The following LRRC14B variants were observed in gnomAD, a reference collection of about 807,000 sequenced individuals.
The protein encoded by LRRC14B is leucine rich repeat containing 14B, also known as leucine-rich repeat-containing protein 14B.
Under a neutral mutation model 16.9 loss-of-function variants are expected in LRRC14B, and 23 were observed. The observed-to-expected ratio is 1.36, with a 90% confidence interval of 0.98 to 1.92. The LOEUF (loss-of-function observed/expected upper bound fraction) is 1.92, where lower values mean the gene tolerates loss of function less well. Ranked by LOEUF, LRRC14B falls within the 30% of genes most tolerant of loss-of-function variation. LRRC14B has a pLI of 0.00. For missense variants in LRRC14B, 766 were observed against 705.7 expected, an observed-to-expected ratio of 1.09 and a Z score of -0.97; for synonymous variants, 358 against 332.5, an observed-to-expected ratio of 1.08 and a Z score of -0.83.
Position 195,750 on chromosome 5 carries a change from C to A in LRRC14B, c.*397C>A, listed in dbSNP as rs1331493095. ...GGGCAGATGTGACTGGGCTCCACAG[C>A]AGGGAGGGGGAGGGGAAGAGAGAAC... On this transcript the variant is annotated 3_prime_UTR_variant, in exon 2 of 2. Transcript: ENST00000328278. The A allele has an allele frequency of 9.1e-6, 2 of 220,648 alleles. No homozygotes were observed. Among genetic ancestry groups the A allele is most frequent in the Non-Finnish European group, 1.8e-5 (2 of 110,922 alleles). 13.7% of individuals were successfully genotyped at this position (220,648 alleles called of 1,614,324 possible).
chr5:194,693 C>T lies in LRRC14B; in HGVS notation c.900-15C>T. On this transcript the variant is annotated splice_polypyrimidine_tract_variant and intron_variant, in intron 1 of 1. Coordinates refer to ENST00000328278, the MANE Select transcript of LRRC14B (RefSeq NM_001080478.3). ...ACCCTCCTCTCACCTGTGCTCTTTC[C>T]CCCGTGTCCTGCAGCCCCCTACAGA... is the stretch of plus-strand genomic sequence containing the variant. 7.6e-6 allele frequency: 12 copies of T among 1,581,414 alleles called. No homozygotes were observed. The highest frequency in any genetic ancestry group is 1.0e-5 in the Non-Finnish European group (12 of 1,162,892).
rs752786875 is a variant in LRRC14B at position 195,069 on chromosome 5, A to G, written c.1261A>G (p.Ile421Val). 2 of 1,613,756 alleles carry G rather than the reference A, an allele frequency of 1.2e-6. No homozygotes were observed. The highest frequency in any genetic ancestry group is 1.7e-6 in the Non-Finnish European group (2 of 1,179,882). Residue 421 changes from isoleucine to valine, a missense_variant, in exon 2 of 2, where the codon ATT becomes GTT. By Grantham distance (29) the Ile-to-Val change is conservative. Transcript: ENST00000328278. ...CTGTGAGCTCCCCGAGCTGCGCTGC[A>G]TTGAGTTCCCGGTGCCCAAGGACTG... ...ALCELPELRCIEFPVPKDCYP... is the reference protein window; with the variant it reads ...ALCELPELRCVEFPVPKDCYP...
In LRRC14B at chr5:191,681, A is replaced by T. The variant is rs1286842854; in HGVS notation, c.143A>T (p.Glu48Val). 1 of 1,602,536 alleles carries T rather than the reference A, an allele frequency of 6.2e-7. No homozygotes were observed. Among genetic ancestry groups the T allele is most frequent in the Admixed American group, 1.7e-5 (1 of 58,634 alleles). Residue 48 changes from glutamate to valine, a missense_variant, in exon 1 of 2, where the codon GAG becomes GTG. Coordinates refer to ENST00000328278, the MANE Select transcript of LRRC14B (RefSeq NM_001080478.3). ...FKASYLLEQA[E>V]VTRAVLGRWP... ...GCCAGCTACCTGCTGGAGCAGGCGG[A>T]GGTGACGCGCGCGGTGCTGGGGCGC...
intron 1 of LRRC14B, among the ~76,000 whole-genome samples, chr5:194,132 CAG>C (rs1245845236): frequency 4.4e-5 from 3 of 68,564 alleles, no homozygotes; most frequent in African/African-American, 1.3e-4. Flanking sequence ...TCATCTTTGT[CAG>C]AGTGGAGCGG....
chr5:194,477 G>A (rs1733873352), intron 1 of LRRC14B, among the ~76,000 whole-genome samples: 1 of 152,220 alleles, frequency 6.6e-6, no homozygotes, highest in South Asian at 2.1e-4. Context: ...CTGGTAAAAT[G>A]TTATTTATGG....
At position 192,256 on chromosome 5, in the gene LRRC14B, C is replaced by G. The variant is rs377130453; in HGVS notation, c.718C>G (p.Arg240Gly). 6.3e-7 allele frequency: 1 copy of G among 1,593,680 alleles called. No individual in the cohort carries two copies. Among genetic ancestry groups the G allele is most frequent in the Non-Finnish European group, 8.5e-7 (1 of 1,170,934 alleles). The change falls in exon 1 of 2, where the codon CGG becomes GGG. Residue 240 changes from arginine (R) to glycine (G), a missense_variant. Transcript: ENST00000328278. Reference protein sequence around the residue: ...QQLLAQVGFPRLASLTLPTKA... With the variant: ...QQLLAQVGFPGLASLTLPTKA... ...GCTTCTGGCCCAGGTGGGCTTCCCC[C>G]GGCTGGCCTCGCTCACCCTGCCCAC...
At chr5:194,446 G>A (rs1367272071) in intron 1 of LRRC14B, among the ~76,000 whole-genome samples, 1 of 152,218 alleles carries the variant, frequency 6.6e-6, no homozygotes, top group Non-Finnish European at 1.5e-5. Context: ...CCAACACTAA[G>A]CGAATGCACG....
Position 194,987 on chromosome 5 carries a change from C to G in LRRC14B, c.1179C>G (p.Leu393=). 1 of 1,613,512 alleles carries G rather than the reference C, an allele frequency of 6.2e-7. No homozygotes were observed. The highest frequency in any genetic ancestry group is 1.1e-5 in the South Asian group (1 of 91,078). ...GLSPCHRLRQ[L]KFLGNPLSAR... Reference sequence around the variant, plus strand: ...GCCCCTGCCACCGGCTGCGCCAGCTCAAGTTCCTCGGGAACCCGCTGTCGG... The same window carrying G: ...GCCCCTGCCACCGGCTGCGCCAGCTGAAGTTCCTCGGGAACCCGCTGTCGG... The change falls in exon 2 of 2, where the codon CTC becomes CTG. Residue 393 remains leucine, a synonymous_variant. Coordinates refer to ENST00000328278, the MANE Select transcript of LRRC14B (RefSeq NM_001080478.3).
chr5:194,793 C>T lies in LRRC14B; in HGVS notation c.985C>T (p.His329Tyr), dbSNP rs374809428. Residue 329 changes from histidine to tyrosine, a missense_variant, in exon 2 of 2, where the codon CAC becomes TAC. By Grantham distance (83) the His-to-Tyr change is moderately conservative (BLOSUM62 2). Transcript: ENST00000328278. The part of the protein sequence containing the change: ...TDMAFLADCA[H>Y]AAHLEVLDLS... ...CATGGCCTTCTTGGCAGACTGTGCC[C>T]ACGCTGCCCACCTGGAGGTGCTGGA... 63 of 1,611,258 alleles carry T rather than the reference C, an allele frequency of 3.9e-5. No homozygotes were observed. In the African/African-American group the frequency reaches 6.3e-4, roughly 16 times the overall value.
Position 191,669 on chromosome 5 carries a change from T to C in LRRC14B, c.131T>C (p.Leu44Pro). ...CTCCTGTTCAAAGCCAGCTACCTGC[T>C]GGAGCAGGCGGAGGTGACGCGCGCG... ...YPLLFKASYL[L>P]EQAEVTRAVL... The change falls in exon 1 of 2, where the codon CTG becomes CCG. Residue 44 changes from leucine (L) to proline (P), a missense_variant. Coordinates refer to ENST00000328278, the MANE Select transcript of LRRC14B (RefSeq NM_001080478.3). 1 of 1,605,984 alleles carries C rather than the reference T, an allele frequency of 6.2e-7. No individual in the cohort carries two copies. Among genetic ancestry groups the C allele is most frequent in the South Asian group, 1.1e-5 (1 of 89,632 alleles).
chr5:195,145 T>A lies in LRRC14B; in HGVS notation c.1337T>A (p.Phe446Tyr). 1.2e-6 allele frequency: 2 copies of A among 1,613,942 alleles called. No individual in the cohort carries two copies. The highest frequency in any genetic ancestry group is 1.7e-6 in the Non-Finnish European group (2 of 1,179,904). ...CAGGACGAGCTGGCCATGTCCAAGT[T>A]CAACCAGCAGAAATACGACGAGATC... is the stretch of plus-strand genomic sequence containing the variant. Reference protein sequence around the residue: ...YPQDELAMSKFNQQKYDEIAE... With the variant: ...YPQDELAMSKYNQQKYDEIAE... Residue 446 changes from phenylalanine to tyrosine, a missense_variant, in exon 2 of 2, where the codon TTC becomes TAC. Physicochemically the swap from Phe to Tyr is conservative, Grantham distance 22. Transcript: ENST00000328278.
rs1733809736 is a variant in LRRC14B, at chr5:192,033, T to C, written c.495T>C (p.Thr165=). The C allele has an allele frequency of 1.3e-6, 2 of 1,540,092 alleles. No homozygotes were observed. Among genetic ancestry groups the C allele is most frequent in the Non-Finnish European group, 1.7e-6 (2 of 1,148,636 alleles). The change falls in exon 1 of 2, where the codon ACT becomes ACC. Residue 165 remains threonine (T), a synonymous_variant. Transcript: ENST00000328278. ...AGGTCCTCGCCGACCTCTTCGTCAC[T>C]GAGGGCAACTTCGAGGCGGTGGTGC... ...PVEVLADLFV[T]EGNFEAVVQA...
chr5:193,048 G>A (rs1402596199), intron 1 of LRRC14B, among the ~76,000 whole-genome samples: 3 of 152,146 alleles, frequency 2.0e-5, no homozygotes, highest in Non-Finnish European at 4.4e-5. Flanking sequence ...GGCAGCCTCA[G>A]GCAGTGGTGA....
Position 192,221 on chromosome 5 carries a change from A to G in LRRC14B, c.683A>G (p.His228Arg), listed in dbSNP as rs1459080648. The change falls in exon 1 of 2, where the codon CAC (histidine) becomes CGC (arginine). Residue 228 changes from histidine to arginine, a missense_variant. His to Arg is a conservative substitution (Grantham distance 29). Transcript: ENST00000328278. Reference protein sequence around the residue: ...VVHNVRLHAGHVQQLLAQVGF... With the variant: ...VVHNVRLHAGRVQQLLAQVGF... Reference sequence around the variant, plus strand: ...CACAACGTGCGGCTGCATGCGGGCCACGTGCAGCAGCTTCTGGCCCAGGTG... The same window carrying G: ...CACAACGTGCGGCTGCATGCGGGCCGCGTGCAGCAGCTTCTGGCCCAGGTG... 3 of 1,597,004 alleles carry G rather than the reference A, an allele frequency of 1.9e-6. No individual in the cohort carries two copies. The highest frequency in any genetic ancestry group is 2.3e-5 in the East Asian group (1 of 43,898).
In LRRC14B at chr5:191,592, C is replaced by T. The variant is rs946000568; in HGVS notation, c.54C>T (p.His18=). 1.2e-5 allele frequency: 20 copies of T among 1,612,124 alleles called. No homozygotes were observed. The highest frequency in any genetic ancestry group is 1.6e-5 in the Non-Finnish European group (19 of 1,179,550). ...RFISAEALVS[H]PQVARQSLDS... ...TTTCTGCAGAAGCTCTGGTGTCCCA[C>T]CCCCAGGTGGCCCGGCAGAGCCTGG... Residue 18 remains histidine, a synonymous_variant, in exon 1 of 2, where the codon CAC becomes CAT. Transcript: ENST00000328278.
Position 194,416 on chromosome 5 carries a change from G to A in LRRC14B, c.900-292G>A, listed in dbSNP as rs548157037. 1.1e-4 allele frequency among the ~76,000 whole-genome samples: 17 copies of A among 152,342 alleles called. No homozygotes were observed. The South Asian group carries it at 3.3e-3, about 30-fold the overall frequency. The stretch of plus-strand genomic sequence containing the variant: ...CTCTGGGTATAGCTGACTTCACCAC[G>A]TGGCGGCCGGCAGTCATGGCCAACA... On this transcript the variant is annotated intron_variant, in intron 1 of 1. Coordinates refer to ENST00000328278, the MANE Select transcript of LRRC14B (RefSeq NM_001080478.3).
rs1156971287 is a variant in LRRC14B, at chr5:195,888, CT to C, written c.*536del. 1 of 160,216 alleles carries C rather than the reference CT, an allele frequency of 6.2e-6. No individual in the cohort carries two copies. Among genetic ancestry groups the C allele is most frequent in the East Asian group, 1.8e-4 (1 of 5,432 alleles). 9.9% of individuals were successfully genotyped at this position (160,216 alleles called of 1,614,324 possible). On this transcript the variant is annotated 3_prime_UTR_variant, in exon 2 of 2. Transcript: ENST00000328278. Reference sequence around the variant, plus strand: ...TCCTCCAGCAGGAGGCTCCCACCCACTGCTGGTCACAACCCGCTGTCTGGAC... The same window carrying C: ...TCCTCCAGCAGGAGGCTCCCACCCACGCTGGTCACAACCCGCTGTCTGGAC...
At chr5:192,490 G>A in intron 1 of LRRC14B, 53 bp downstream of exon 1, 1 of 1,444,128 alleles carries the variant, frequency 6.9e-7, no homozygotes, top group Non-Finnish European at 9.1e-7. Context: ...GAGGCAAGGA[G>A]AGATCGTCCA....
In LRRC14B at chr5:194,765, G is replaced by A. The variant is rs202045051; in HGVS notation, c.957G>A (p.Thr319=). The change falls in exon 2 of 2, where the codon ACG becomes ACA. Residue 319 remains threonine (T), a synonymous_variant. Transcript: ENST00000328278. ...LDLANCALNH[T]DMAFLADCAH... ...TGGCCAACTGTGCCCTGAACCACAC[G>A]GACATGGCCTTCTTGGCAGACTGTG... is the stretch of plus-strand genomic sequence containing the variant. 531 of 1,613,528 alleles carry A rather than the reference G, an allele frequency of 3.3e-4. 2 individuals are homozygous for A. The African/African-American group carries it at 5.8e-3, about 18-fold the overall frequency.
Sources: gnomAD v4.1 joint callset for allele counts (sites outside exome capture counted in the v4.1 genomes callset) on GRCh38, gnomAD v4.1.1 for gene constraint, MANE v1.5 for transcripts, NCBI Gene and HGNC (gene_info 2026-07-23, HGNC 2026-07-21) for gene names.